Variants in CATSPERB observed in about 807,000 individuals in gnomAD.
CATSPERB encodes catsper channel auxiliary subunit beta.
Under a neutral mutation model 128.3 loss-of-function variants are expected in CATSPERB, and 93 were observed. That is an observed-to-expected ratio of 0.72 (90% confidence interval 0.61 to 0.86). The LOEUF (loss-of-function observed/expected upper bound fraction) is 0.86, where lower values mean the gene tolerates loss of function less well. Among genes scored for constraint, CATSPERB ranks in the 40% least tolerant of loss-of-function variants. The pLI, the probability that CATSPERB is intolerant of heterozygous loss-of-function variation, is 0.00. For missense variants in CATSPERB, 1,153 were observed against 1,329.5 expected (o/e 0.87, Z 2.06); for synonymous variants, 381 against 448.8 (o/e 0.85, Z 1.91).
chr14:91,605,254 A>G, intron 22 of CATSPERB: 2 of 1,378,798 alleles, frequency 1.5e-6, no homozygotes, highest in Non-Finnish European at 2.1e-6. Flanking sequence ...GTGTAAGTGA[A>G]GAGTCTTTAC....
chr14:91,633,719 G>T (rs532100875), intron 17 of CATSPERB, among the ~76,000 whole-genome samples: 99 of 151,902 alleles, frequency 6.5e-4, no homozygotes, highest in African/African-American at 2.3e-3. Context: ...AGATACACGA[G>T]AAATATTAAT....
intron 7 of CATSPERB, 107 bp from the exon 8 acceptor site, chr14:91,693,586 T>C (rs143978599): frequency 5.7e-5 from 41 of 715,902 alleles, no homozygotes; most frequent in African/African-American, 5.3e-4. Context: ...GCACTATGAC[T>C]CTCACTTCCC....
chr14:91,665,641 G>A (rs953318120), intron 14 of CATSPERB, among the ~76,000 whole-genome samples: 3 of 151,972 alleles, frequency 2.0e-5, no homozygotes, highest in Non-Finnish European at 4.4e-5. Context: ...AGGCGAAAAC[G>A]GCCAGATCAC....
Position 91,693,224 on chromosome 14 carries a change from C to G in CATSPERB, c.733G>C (p.Val245Leu). ...LQEEYEDLSLVDMVLTNHFLV... is the reference protein window; with the variant it reads ...LQEEYEDLSLLDMVLTNHFLV... ...AAATGATTCGTTAAAACCATATCCACCAATGAAAGGTCTTCATATTCTAAA... is the reference window on the plus strand; with the variant it reads ...AAATGATTCGTTAAAACCATATCCAGCAATGAAAGGTCTTCATATTCTAAA... The change falls in exon 9 of 27, where the codon GTG (valine) becomes CTG (leucine). Residue 245 changes from valine to leucine, a missense_variant. Coordinates refer to ENST00000256343, the MANE Select transcript of CATSPERB (RefSeq NM_024764.4). 1 of 1,612,842 alleles carries G rather than the reference C, an allele frequency of 6.2e-7. No individual in the cohort carries two copies. Among genetic ancestry groups the G allele is most frequent in the Non-Finnish European group, 8.5e-7 (1 of 1,179,094 alleles).
At chr14:91,688,496 AT>A (rs973897894) in intron 10 of CATSPERB, among the ~76,000 whole-genome samples, 3 of 151,052 alleles carry the variant, frequency 2.0e-5, no homozygotes, top group African/African-American at 4.9e-5. Flanking sequence ...ATGTTCTTTC[AT>A]TTTTTTTTAT....
intron 5 of CATSPERB, among the ~76,000 whole-genome samples, chr14:91,712,259 A>G (rs983399744): frequency 6.6e-6 from 1 of 152,202 alleles, no homozygotes; most frequent in African/African-American, 2.4e-5. Context: ...CAACAGGCAA[A>G]TTGATATAAA....
intron 16 of CATSPERB, 67 bp from the exon 17 acceptor site, chr14:91,636,646 G>A: frequency 2.2e-6 from 3 of 1,355,090 alleles, no homozygotes; most frequent in Middle Eastern, 2.1e-4. Flanking sequence ...CAAAATTGAA[G>A]TCACAGATTT....
intron 20 of CATSPERB, among the ~76,000 whole-genome samples, chr14:91,616,884 G>A (rs1016908316): frequency 3.3e-5 from 5 of 151,896 alleles, no homozygotes; most frequent in Non-Finnish European, 5.9e-5. Flanking sequence ...TGGGATTACA[G>A]GCAAGGGCCA....
intron 17 of CATSPERB, among the ~76,000 whole-genome samples, chr14:91,627,588 T>G (rs1344252559): frequency 2.0e-5 from 3 of 152,124 alleles, no homozygotes; most frequent in African/African-American, 7.2e-5. Context: ...GTCAGCAAAC[T>G]GTGGAAGGTA....
intron 22 of CATSPERB, among the ~76,000 whole-genome samples, chr14:91,599,462 G>A (rs1893570307): frequency 6.6e-6 from 1 of 151,420 alleles, no homozygotes; most frequent in South Asian, 2.1e-4. Context: ...GGGAGGCTGA[G>A]GCAGGAGAAT....
chr14:91,682,574 T>C (rs1311580848), intron 11 of CATSPERB, among the ~76,000 whole-genome samples: 1 of 152,220 alleles, frequency 6.6e-6, no homozygotes, highest in Non-Finnish European at 1.5e-5. Flanking sequence ...GCACTCACAG[T>C]TGGCCCTTCC....
chr14:91,640,805 C>T (rs1894482588), intron 15 of CATSPERB, among the ~76,000 whole-genome samples: 2 of 126,034 alleles, frequency 1.6e-5, no homozygotes, highest in African/African-American at 6.2e-5. Flanking sequence ...TTCTAGATCC[C>T]TGAGGAATCG....
intron 15 of CATSPERB, among the ~76,000 whole-genome samples, chr14:91,640,246 TTTTTTA>T (rs1894467473): frequency 2.9e-5 from 3 of 101,970 alleles, no homozygotes; most frequent in Non-Finnish European, 4.5e-5. Context: ...TTCTTTTTAT[TTTTTTA>T]TTTTTTTTTT....
chr14:91,624,552 A>G (rs1894116910), intron 18 of CATSPERB, among the ~76,000 whole-genome samples: 1 of 152,092 alleles, frequency 6.6e-6, no homozygotes, highest in Non-Finnish European at 1.5e-5. Flanking sequence ...GAAGCAGGAG[A>G]ATCGCTTGAA....
intron 7 of CATSPERB, among the ~76,000 whole-genome samples, chr14:91,694,438 C>CAAAAAAA (rs547649333): frequency 1.5e-4 from 10 of 65,764 alleles, no homozygotes; most frequent in Non-Finnish European, 2.2e-4. Flanking sequence ...GACCCTATCT[C>CAAAAAAA]AAAAAAAAAA....
intron 14 of CATSPERB, among the ~76,000 whole-genome samples, chr14:91,662,444 T>C (rs531649579): frequency 1.6e-4 from 25 of 152,358 alleles, no homozygotes; most frequent in African/African-American, 6.0e-4. Flanking sequence ...AATTTACTTA[T>C]TCATTTTCCT....
intron 22 of CATSPERB, among the ~76,000 whole-genome samples, chr14:91,596,889 A>T (rs993662138): frequency 4.5e-4 from 65 of 144,108 alleles, no homozygotes; most frequent in African/African-American, 1.6e-3. Flanking sequence ...AAAAGACATA[A>T]TTTTTTTTTT....
At chr14:91,660,037 G>A in intron 14 of CATSPERB, 56 bp from the exon 15 acceptor site, 1 of 1,488,282 alleles carries the variant, frequency 6.7e-7, no homozygotes, top group Non-Finnish European at 9.0e-7. Flanking sequence ...ACAGTTGGCA[G>A]TTACCTATCA....
At chr14:91,673,059 A>G (rs369990819) in intron 12 of CATSPERB, 43 bp from the exon 13 acceptor site, 1 of 1,488,224 alleles carries the variant, frequency 6.7e-7, no homozygotes, top group Non-Finnish European at 9.1e-7. Context: ...TTTTTGAAAT[A>G]TAAGTTCTAA....
Sources: gnomAD v4.1 joint callset for allele counts (sites outside exome capture counted in the v4.1 genomes callset) on GRCh38, gnomAD v4.1.1 for gene constraint, MANE v1.5 for transcripts, NCBI Gene and HGNC (gene_info 2026-07-23, HGNC 2026-07-21) for gene names.